SLC30A8: variants seen among roughly 807,000 people sequenced by gnomAD.
SLC30A8 encodes the protein solute carrier family 30 member 8, also known as proton-coupled zinc antiporter SLC30A8.
Under a neutral mutation model 36.9 loss-of-function variants are expected in SLC30A8, and 27 were observed. The observed-to-expected ratio is 0.73, with a 90% confidence interval of 0.54 to 1.01. SLC30A8 has a LOEUF of 1.01. SLC30A8 is among the 50% of genes least tolerant of loss of function. SLC30A8 has a pLI of 0.00. For missense variants in SLC30A8, 439 were observed against 452.0 expected (o/e 0.97, Z 0.26); for synonymous variants, 164 against 172.4 (o/e 0.95, Z 0.38).
chr8:117,023,939 T>C (rs2130728609), intron 1 of SLC30A8, among the ~76,000 whole-genome samples: 1 of 152,324 alleles, frequency 6.6e-6, no homozygotes, highest in East Asian at 1.9e-4. Context: ...AGTTTTTTCT[T>C]TTGATAGAAA....
chr8:117,100,279 G>T (rs1002270770), intron 2 of SLC30A8, among the ~76,000 whole-genome samples: 3 of 151,956 alleles, frequency 2.0e-5, no homozygotes, highest in African/African-American at 4.8e-5. Flanking sequence ...GATGTAAGTT[G>T]TTAAGTAGCT....
At chr8:117,168,131 G>GGGATCATTACAATTAAAAGTGAGAT (rs1823159627) in intron 6 of SLC30A8, among the ~76,000 whole-genome samples, 1 of 152,096 alleles carries the variant, frequency 6.6e-6, no homozygotes, top group South Asian at 2.1e-4. Flanking sequence ...TTGACACGTG[G>GGGATCATTACAATTAAAAGTGAGAT]GGATCATTAC....
At chr8:117,144,019 A>C (rs1467793267) in intron 1 of SLC30A8, among the ~76,000 whole-genome samples, 1 of 152,108 alleles carries the variant, frequency 6.6e-6, no homozygotes, top group Non-Finnish European at 1.5e-5. Context: ...AGAAACATAA[A>C]ATAAAGCAAT....
At chr8:116,991,452 C>T (rs1489711984) in intron 1 of SLC30A8, among the ~76,000 whole-genome samples, 3 of 151,876 alleles carry the variant, frequency 2.0e-5, no homozygotes, top group African/African-American at 7.3e-5. Flanking sequence ...TTACAGGCAC[C>T]CGCCACCACA....
chr8:117,012,141 G>A (rs991402448), intron 1 of SLC30A8, among the ~76,000 whole-genome samples: 1 of 152,092 alleles, frequency 6.6e-6, no homozygotes, highest in Non-Finnish European at 1.5e-5. Context: ...AACTCATTTT[G>A]TATTTAGCAT....
At chr8:117,132,104 T>A (rs1821161582), upstream of SLC30A8, among the ~76,000 whole-genome samples, 1 of 152,014 alleles carries the variant, frequency 6.6e-6, no homozygotes, top group African/African-American at 2.4e-5. Flanking sequence ...AAAAAGATGG[T>A]TGCATGCACA....
intron 3 of SLC30A8, 65 bp from the exon 4 acceptor site, chr8:117,157,626 G>A (rs1053663531): frequency 1.3e-6 from 2 of 1,575,550 alleles, no homozygotes; most frequent in South Asian, 1.2e-5. Context: ...TATGACTCTT[G>A]GGGGTGTAGG....
intron 1 of SLC30A8, among the ~76,000 whole-genome samples, chr8:116,969,568 T>C (rs769563220): frequency 2.0e-5 from 3 of 152,210 alleles, no homozygotes; most frequent in East Asian, 3.8e-4. Context: ...TGTCAGGTTT[T>C]TGTCATTGCG....
intron 2 of SLC30A8, among the ~76,000 whole-genome samples, chr8:117,063,040 A>G (rs906686787): frequency 4.6e-5 from 7 of 152,192 alleles, no homozygotes; most frequent in African/African-American, 1.4e-4. Flanking sequence ...AATGACTTCG[A>G]GTCCAACAAT....
chr8:117,047,090 C>T (rs1470909336), intron 2 of SLC30A8, among the ~76,000 whole-genome samples: 5 of 152,076 alleles, frequency 3.3e-5, no homozygotes, highest in South Asian at 2.1e-4. Context: ...GACGGGATCT[C>T]GGATCACAGG....
rs548542569 is a variant in SLC30A8, at chr8:116,976,603, C to T, written c.-266+25484C>T. On this transcript the variant is annotated intron_variant, in intron 1 of 10. Coordinates refer to the SLC30A8 transcript ENST00000427715. ...TCTCCAACGTCTTCAGCTGGGGCTA[C>T]AGAGACTAACTGATAAAGAGGGCTC... Among the ~76,000 whole-genome samples the T allele has an allele frequency of 1.3e-3, 192 of 152,212 alleles. 1 individual carries two copies. The highest frequency in any genetic ancestry group is 4.4e-3 in the African/African-American group (184 of 41,528).
chr8:117,048,849 C>T (rs935144624), intron 2 of SLC30A8, among the ~76,000 whole-genome samples: 6 of 152,118 alleles, frequency 3.9e-5, no homozygotes, highest in South Asian at 2.1e-4. Context: ...GCAACATTCC[C>T]GATTGGATTA....
intron 2 of SLC30A8, among the ~76,000 whole-genome samples, chr8:117,127,509 GCAGGAA>G (rs1820954938): frequency 6.6e-6 from 1 of 152,002 alleles, no homozygotes; most frequent in South Asian, 2.1e-4. Context: ...ATTAGACTAA[GCAGGAA>G]AAGATTCACC....
chr8:117,047,191 A>G (rs1255576780), intron 2 of SLC30A8, among the ~76,000 whole-genome samples: 1 of 152,186 alleles, frequency 6.6e-6, no homozygotes, highest in Non-Finnish European at 1.5e-5. Flanking sequence ...TAATGTAGTC[A>G]TGTCTGGCAA....
chr8:117,139,033 G>A (rs1385222210), intron 1 of SLC30A8, among the ~76,000 whole-genome samples: 1 of 152,016 alleles, frequency 6.6e-6, no homozygotes, highest in African/African-American at 2.4e-5. Flanking sequence ...TAGGCTTGTT[G>A]CTTCATGATA....
intron 2 of SLC30A8, among the ~76,000 whole-genome samples, chr8:117,055,611 T>A (rs889660243): frequency 6.6e-5 from 10 of 152,258 alleles, no homozygotes; most frequent in Non-Finnish European, 4.4e-5. Context: ...TTCTGTGTAT[T>A]CTTACCCTAA....
intron 1 of SLC30A8, among the ~76,000 whole-genome samples, chr8:117,146,209 G>A (rs1408459498): frequency 6.6e-6 from 1 of 151,984 alleles, no homozygotes; most frequent in Non-Finnish European, 1.5e-5. Context: ...TTATATGAAT[G>A]TATTAAATTA....
chr8:117,160,697 GCTGT>G (rs1822746649), intron 4 of SLC30A8, among the ~76,000 whole-genome samples: 3 of 152,154 alleles, frequency 2.0e-5, no homozygotes, highest in African/African-American at 7.2e-5. Flanking sequence ...GCCATATCAG[GCTGT>G]CTAAGGAACC....
chr8:116,994,113 A>G (rs972714018), intron 1 of SLC30A8, among the ~76,000 whole-genome samples: 22 of 152,178 alleles, frequency 1.4e-4, no homozygotes, highest in African/African-American at 2.7e-4. Flanking sequence ...AATTTTTCCA[A>G]AATTTTAAAG....
Sources: gnomAD v4.1 joint callset for allele counts (sites outside exome capture counted in the v4.1 genomes callset) on GRCh38, gnomAD v4.1.1 for gene constraint, MANE v1.5 for transcripts, NCBI Gene and HGNC (gene_info 2026-07-23, HGNC 2026-07-21) for gene names.